Variants in VPS41 observed in about 807,000 individuals in gnomAD.
VPS41 encodes the protein vacuolar protein sorting-associated protein 41 homolog.
VPS41 carries 85 observed loss-of-function variants against 130.9 expected under a neutral mutation model. The ratio of observed to expected loss-of-function variants is 0.65; its 90% CI spans 0.55 to 0.78. The LOEUF is 0.78. Ranked by LOEUF, VPS41 falls within the 30% of genes least tolerant of loss-of-function variation. The pLI is 0.00. For missense variants in VPS41, 874 were observed against 1,018.7 expected (o/e 0.86, Z 1.93); for synonymous variants, 335 against 332.9 (o/e 1.01, Z -0.07).
chr7:38,860,473 C>T (rs1431644742), intron 4 of VPS41, among the ~76,000 whole-genome samples: 2 of 151,914 alleles, frequency 1.3e-5, no homozygotes, highest in Non-Finnish European at 2.9e-5. Context: ...AACTCTATTG[C>T]TATAGTTTAG....
At chr7:38,727,277 G>A (rs1562562120) in intron 27 of VPS41, 2 of 208,622 alleles carry the variant, frequency 9.6e-6, no homozygotes, top group East Asian at 1.0e-4. Context: ...GTGCCAATGC[G>A]CCCCTAACCC....
At chr7:38,896,911 G>A (rs1343608466) in intron 2 of VPS41, among the ~76,000 whole-genome samples, 2 of 152,122 alleles carry the variant, frequency 1.3e-5, no homozygotes, top group Non-Finnish European at 2.9e-5. Context: ...CATTATGCTT[G>A]GGCCAGGTGC....
intron 17 of VPS41, 82 bp from the exon 18 acceptor site, chr7:38,758,563 T>G (rs1170988733): frequency 1.5e-6 from 2 of 1,333,370 alleles, no homozygotes; most frequent in Non-Finnish European, 2.1e-6. Flanking sequence ...CATTTGGTCC[T>G]CCTTCTGTTT....
intron 27 of VPS41, 74 bp from the exon 28 acceptor site, chr7:38,727,062 A>C: frequency 7.4e-7 from 1 of 1,345,526 alleles, no homozygotes; most frequent in Non-Finnish European, 9.8e-7. Flanking sequence ...TCCCGACTGA[A>C]AGTCGAGTTG....
intron 5 of VPS41, among the ~76,000 whole-genome samples, chr7:38,829,548 A>G (rs1466780351): frequency 6.6e-6 from 1 of 152,222 alleles, no homozygotes; most frequent in Non-Finnish European, 1.5e-5. Context: ...GCAAACCAAC[A>G]TTAGAAAAGA....
intron 7 of VPS41, among the ~76,000 whole-genome samples, chr7:38,803,807 C>G (rs1784782827): frequency 6.6e-6 from 1 of 152,130 alleles, no homozygotes; most frequent in African/African-American, 2.4e-5. Context: ...TGACCAGGAA[C>G]CCATATGGAG....
chr7:38,835,481 C>A (rs1036252722), intron 4 of VPS41, among the ~76,000 whole-genome samples: 2 of 151,734 alleles, frequency 1.3e-5, no homozygotes, highest in African/African-American at 2.4e-5. Flanking sequence ...TGTTTCATTT[C>A]CAAGGATGGT....
At chr7:38,831,242 G>C (rs529867315) in intron 4 of VPS41, 1 of 471,070 alleles carries the variant, frequency 2.1e-6, no homozygotes, top group East Asian at 6.9e-5. Flanking sequence ...TTTGGCATCT[G>C]GTTGTAAGCT....
Position 38,780,643 on chromosome 7 carries a change from C to T in VPS41, c.785-3867G>A, listed in dbSNP as rs542446288. Among the ~76,000 whole-genome samples the T allele has an allele frequency of 5.3e-5, 8 of 152,242 alleles. No homozygotes were observed. In the South Asian group the frequency reaches 1.7e-3, roughly 32 times the overall value. Reference sequence around the variant, plus strand: ...CTAGAGGCCCCTTGATTAGCTGCCCCATGGAAATATAATGTGGGCCAAAAC... The same window carrying T: ...CTAGAGGCCCCTTGATTAGCTGCCCTATGGAAATATAATGTGGGCCAAAAC... On this transcript the variant is annotated intron_variant, in intron 10 of 28. Coordinates refer to ENST00000310301, the MANE Select transcript of VPS41 (RefSeq NM_014396.4).
chr7:38,732,501 A>ATTTTGATGAATAAAAAATTTTGATGAAT (rs1254357631), intron 25 of VPS41, among the ~76,000 whole-genome samples: 1 of 152,144 alleles, frequency 6.6e-6, no homozygotes, highest in Non-Finnish European at 1.5e-5. Flanking sequence ...CAGTTTATTA[A>ATTTTGATGAATAAAAAATTTTGATGAAT]TTTCCATGAA....
intron 4 of VPS41, among the ~76,000 whole-genome samples, chr7:38,832,673 C>A (rs1320663882): frequency 2.0e-5 from 3 of 152,080 alleles, no homozygotes; most frequent in Non-Finnish European, 4.4e-5. Flanking sequence ...GATCAAATGA[C>A]CCCAATGTTG....
intron 5 of VPS41, among the ~76,000 whole-genome samples, chr7:38,828,240 AACACAC>A (rs144116233): frequency 6.6e-6 from 1 of 150,496 alleles, no homozygotes; most frequent in Non-Finnish European, 1.5e-5. Context: ...ACTGAAACTG[AACACAC>A]ACACACACAC....
At chr7:38,899,003 GA>G (rs1230879901) in intron 1 of VPS41, among the ~76,000 whole-genome samples, 4 of 152,028 alleles carry the variant, frequency 2.6e-5, no homozygotes, top group African/African-American at 9.7e-5. Flanking sequence ...ACATTTTCAA[GA>G]AAAAAATGAA....
At chr7:38,813,554 A>G (rs1784984623) in intron 7 of VPS41, among the ~76,000 whole-genome samples, 1 of 152,184 alleles carries the variant, frequency 6.6e-6, no homozygotes, top group Admixed American at 6.5e-5. Flanking sequence ...CTATTTTAAA[A>G]CAGCTAAAAA....
chr7:38,771,070 G>A (rs1303454587), intron 14 of VPS41, 128 bp downstream of exon 14: 3 of 713,578 alleles, frequency 4.2e-6, no homozygotes, highest in Non-Finnish European at 7.0e-6. Context: ...GATCTCATAG[G>A]TTAGGGAATT....
intron 22 of VPS41, 64 bp downstream of exon 22, chr7:38,752,112 A>C (rs944382185): frequency 3.4e-5 from 55 of 1,600,186 alleles, no homozygotes; most frequent in Non-Finnish European, 4.5e-5. Flanking sequence ...AGAAAGACAA[A>C]CAACTTACCA....
intron 4 of VPS41, among the ~76,000 whole-genome samples, chr7:38,850,411 T>G (rs1476895286): frequency 1.3e-5 from 2 of 152,172 alleles, no homozygotes; most frequent in Non-Finnish European, 2.9e-5. Flanking sequence ...TCTGTAAGAG[T>G]TCCTTATGTA....
chr7:38,734,341 T>C (rs1795724061), intron 25 of VPS41, among the ~76,000 whole-genome samples: 1 of 152,218 alleles, frequency 6.6e-6, no homozygotes, highest in Non-Finnish European at 1.5e-5. Flanking sequence ...TTTCCTTCCA[T>C]AGTTCTAAGT....
chr7:38,775,961 C>T (rs1784251458), intron 11 of VPS41, among the ~76,000 whole-genome samples: 1 of 152,132 alleles, frequency 6.6e-6, no homozygotes, highest in Admixed American at 6.5e-5. Flanking sequence ...CTTCTTTATG[C>T]CTTGAAGCCA....
Sources: allele counts gnomAD v4.1 joint callset (sites outside exome capture counted in the v4.1 genomes callset), GRCh38; gene constraint gnomAD v4.1.1; transcripts MANE v1.5; gene names NCBI Gene and HGNC (gene_info 2026-07-23, HGNC 2026-07-21).